The following PHACTR4 variants were observed in gnomAD, a reference collection of about 807,000 sequenced individuals.
PHACTR4 encodes the protein protein phosphatase 1, regulatory subunit 124.
In PHACTR4, 51 loss-of-function variants were observed where a neutral mutation model predicts 72.7. The observed-to-expected ratio is 0.70, with a 90% CI of 0.56 to 0.89. The LOEUF is 0.89. PHACTR4 is among the 40% of genes least tolerant of loss of function. The pLI is 0.00. For synonymous variants in PHACTR4, 255 were observed against 302.5 expected (o/e 0.84, Z 1.63); for missense variants, 731 against 861.8 (o/e 0.85, Z 1.90).
At chr1:28,465,870 G>T (rs778171941) in intron 5 of PHACTR4, 21 bp downstream of exon 5, 5 of 1,593,724 alleles carry the variant, frequency 3.1e-6, no homozygotes, top group South Asian at 2.3e-5. Flanking sequence ...CTGGATTTTT[G>T]AGTTTAAGAG....
intron 2 of PHACTR4, among the ~76,000 whole-genome samples, chr1:28,425,209 C>T (rs1402692908): frequency 6.6e-6 from 1 of 152,230 alleles, no homozygotes; most frequent in African/African-American, 2.4e-5. Flanking sequence ...GCCTCCACCT[C>T]CCAGGGTCAA....
At chr1:28,431,980 G>GAGGATCTCTCTCTCTCTTTTTTTTT (rs1557809647) in intron 2 of PHACTR4, among the ~76,000 whole-genome samples, 1 of 152,184 alleles carries the variant, frequency 6.6e-6, no homozygotes, top group African/African-American at 2.4e-5. Context: ...GGAGGCCGAA[G>GAGGATCTCTCTCTCTCTTTTTTTTT]TGGGCAGATC....
chr1:28,402,968 A>G (rs375799499), intron 1 of PHACTR4, among the ~76,000 whole-genome samples: 5 of 152,322 alleles, frequency 3.3e-5, no homozygotes, highest in South Asian at 2.1e-4. Context: ...AAAGGTCTAT[A>G]AGAGTCCCTT....
chr1:28,460,979 A>G (rs1446547672), intron 4 of PHACTR4, among the ~76,000 whole-genome samples: 1 of 152,098 alleles, frequency 6.6e-6, no homozygotes, highest in African/African-American at 2.4e-5. Flanking sequence ...CCCCATGCCC[A>G]TATCACTGCA....
In PHACTR4 at chr1:28,498,776, G is replaced by C. The variant is rs1390521362; in HGVS notation, c.*2227G>C. 1 of 152,044 alleles carries C rather than the reference G, an allele frequency of 6.6e-6. No homozygotes were observed. Among genetic ancestry groups the C allele is most frequent in the Non-Finnish European group, 1.5e-5 (1 of 68,018 alleles). 9.4% of individuals were successfully genotyped at this position (152,044 alleles called of 1,614,324 possible). ...CTTATGTGGACTTGCTGAAGAAACA[G>C]AATATCAGTTCAAAACAAAACCTAG... On this transcript the variant is annotated 3_prime_UTR_variant, in exon 14 of 14. Coordinates refer to ENST00000373839, the MANE Select transcript of PHACTR4 (RefSeq NM_001048183.3).
At chr1:28,489,930 T>C (rs760138658) in intron 10 of PHACTR4, 1 of 517,880 alleles carries the variant, frequency 1.9e-6, no homozygotes, top group Non-Finnish European at 3.9e-6. Flanking sequence ...CATTTTCTAG[T>C]GTGGGAGCCC....
At chr1:28,459,753 A>G (rs1658667477) in intron 3 of PHACTR4, among the ~76,000 whole-genome samples, 1 of 152,140 alleles carries the variant, frequency 6.6e-6, no homozygotes, top group African/African-American at 2.4e-5. Flanking sequence ...ACTAAACCTA[A>G]TATTGTATAC....
chr1:28,385,200 T>C (rs1652464638), intron 1 of PHACTR4, among the ~76,000 whole-genome samples: 1 of 152,164 alleles, frequency 6.6e-6, no homozygotes, highest in Non-Finnish European at 1.5e-5. Context: ...TTTGTTTTCA[T>C]TAGTTTCAAA....
intron 1 of PHACTR4, among the ~76,000 whole-genome samples, chr1:28,385,614 ATTT>A (rs1225303255): frequency 2.2e-4 from 28 of 126,916 alleles, no homozygotes; most frequent in African/African-American, 1.2e-4. Flanking sequence ...TTTTAAGTGA[ATTT>A]TTTTTTTTTT....
At chr1:28,430,180 A>G in intron 2 of PHACTR4, among the ~76,000 whole-genome samples, 1 of 151,812 alleles carries the variant, frequency 6.6e-6, no homozygotes. Context: ...CCGCCACCAC[A>G]CCAGGCTAAT....
intron 1 of PHACTR4, among the ~76,000 whole-genome samples, chr1:28,398,655 C>T (rs759487811): frequency 6.6e-6 from 1 of 151,552 alleles, no homozygotes; most frequent in Non-Finnish European, 1.5e-5. Context: ...CCTGTCTCTA[C>T]CAAAAACACA....
intron 1 of PHACTR4, among the ~76,000 whole-genome samples, chr1:28,384,306 C>T (rs1278097736): frequency 6.6e-6 from 1 of 152,016 alleles, no homozygotes; most frequent in African/African-American, 2.4e-5. Flanking sequence ...CTCTTTTTGG[C>T]TGATAGGCTA....
chr1:28,465,688 G>A lies in PHACTR4; in HGVS notation c.275G>A (p.Gly92Asp), dbSNP rs114913572. 130 of 1,612,516 alleles carry A rather than the reference G, an allele frequency of 8.1e-5. No individual in the cohort carries two copies. The African/African-American group carries it at 1.7e-3, about 21-fold the overall frequency. The change falls in exon 5 of 14, where the codon GGT becomes GAT. Residue 92 changes from glycine to aspartate, a missense_variant. Transcript: ENST00000373839. ...GTACTCTTCTTTCACCTTGCAGGTG[G>A]TGAGGATCCAGGAAAGCCAAGCGAT... Reference protein sequence around the residue: ...GVLLEDPEQGGEDPGKPSDAM... With the variant: ...GVLLEDPEQGDEDPGKPSDAM...
intron 2 of PHACTR4, chr1:28,438,036 G>T: frequency 1.7e-6 from 1 of 599,522 alleles, no homozygotes; most frequent in Non-Finnish European, 2.0e-6. Context: ...TCAAAAGTCA[G>T]GAACGGGGGT....
At chr1:28,484,084 AGGCCGAGGCAGG>A (rs909573282) in intron 9 of PHACTR4, among the ~76,000 whole-genome samples, 1 of 152,142 alleles carries the variant, frequency 6.6e-6, no homozygotes, top group Non-Finnish European at 1.5e-5. Flanking sequence ...GCACGTTTGA[AGGCCGAGGCAGG>A]TGGATCACAT....
chr1:28,451,830 G>T (rs919366845), intron 2 of PHACTR4, among the ~76,000 whole-genome samples: 1 of 151,700 alleles, frequency 6.6e-6, no homozygotes, highest in Non-Finnish European at 1.5e-5. Context: ...GTAGAGGCAG[G>T]GTCTCCCTAT....
In PHACTR4 at chr1:28,487,724, G is replaced by GTTTTTTTTTTTT. The variant is rs1054105118; in HGVS notation, c.1761-1444_1761-1443insTTTTTTTTTTTT. Among the ~76,000 whole-genome samples, 8 of 71,472 alleles carry GTTTTTTTTTTTT rather than the reference G, an allele frequency of 1.1e-4. 1 individual carries two copies. Among genetic ancestry groups the GTTTTTTTTTTTT allele is most frequent in the African/African-American group, 4.5e-4 (8 of 17,640 alleles). The allele number at this position is 71,472 out of a possible 152,430, so 46.9% of individuals were successfully genotyped here. Reference sequence around the variant, plus strand: ...CAAAAATGACAAATTGTAGTTTTTTGTTGTTTTTTTTTTTTTTTTTTTTTT... The same window carrying GTTTTTTTTTTTT: ...CAAAAATGACAAATTGTAGTTTTTTGTTTTTTTTTTTTTTGTTTTTTTTTTTTTTTTTTTTTT... On this transcript the variant is annotated intron_variant, in intron 9 of 13. Coordinates refer to ENST00000373839, the MANE Select transcript of PHACTR4 (RefSeq NM_001048183.3).
Position 28,445,059 on chromosome 1 carries a change from A to G in PHACTR4, c.17-14026A>G, listed in dbSNP as rs185185182. ...CAACCTCCACCTCTCGGGTTCAAGC[A>G]ATTCTCTGCCTCAGCCTCCTGAGTA... On this transcript the variant is annotated intron_variant, in intron 2 of 13. Coordinates refer to ENST00000373839, the MANE Select transcript of PHACTR4 (RefSeq NM_001048183.3). Among the ~76,000 whole-genome samples the G allele has an allele frequency of 6.5e-3, 982 of 151,808 alleles. 6 individuals are homozygous for G. The highest frequency in any genetic ancestry group is 0.01 in the Non-Finnish European group (712 of 67,960).
chr1:28,438,361 TG>T, intron 2 of PHACTR4: 1 of 1,606,930 alleles, frequency 6.2e-7, no homozygotes, highest in South Asian at 1.1e-5. Context: ...TTTGTTGTCG[TG>T]AGATACATCA....
Sources: gnomAD v4.1 joint callset for allele counts (sites outside exome capture counted in the v4.1 genomes callset) on GRCh38, gnomAD v4.1.1 for gene constraint, MANE v1.5 for transcripts, NCBI Gene and HGNC (gene_info 2026-07-23, HGNC 2026-07-21) for gene names.